CSNK2A1: variants seen among roughly 807,000 people sequenced by gnomAD.
CSNK2A1 encodes casein kinase 2 alpha 1, also known as casein kinase II subunit alpha.
CSNK2A1 carries 10 observed loss-of-function variants against 62.9 expected under a neutral mutation model. That is an observed-to-expected ratio of 0.16 (90% confidence interval 0.10 to 0.27). The LOEUF (loss-of-function observed/expected upper bound fraction) is 0.27, where lower values mean the gene tolerates loss of function less well. Ranked by LOEUF, CSNK2A1 falls within the 10% of genes least tolerant of loss-of-function variation. The probability of loss-of-function intolerance (pLI) is 1.00; values close to 1 mark genes in which losing one functional copy is unlikely to be tolerated. For synonymous variants in CSNK2A1, 124 were observed against 167.8 expected, an observed-to-expected ratio of 0.74 and a Z score of 2.02; for missense variants, 160 against 492.0, an observed-to-expected ratio of 0.33 and a Z score of 6.38.
At chr20:522,187 T>C (rs777877441) in intron 2 of CSNK2A1, among the ~76,000 whole-genome samples, 9 of 152,230 alleles carry the variant, frequency 5.9e-5, no homozygotes, top group Non-Finnish European at 1.2e-4. Context: ...GGAAAGGAAA[T>C]AAGTAAGCAT....
intron 2 of CSNK2A1, among the ~76,000 whole-genome samples, chr20:511,621 C>T (rs1224494340): frequency 6.6e-6 from 1 of 152,114 alleles, no homozygotes; most frequent in Non-Finnish European, 1.5e-5. Context: ...AGCATAATGT[C>T]TTCAAGGCTG....
At chr20:506,904 T>C (rs1228021992) in intron 3 of CSNK2A1, 3 of 152,086 alleles carry the variant, frequency 2.0e-5, no homozygotes, top group African/African-American at 2.4e-5. Context: ...AGCACTCAAT[T>C]TGAAGATAGC....
chr20:478,896 T>C lies in CSNK2A1; in HGVS notation c.*5065A>G, dbSNP rs185930899. On this transcript the variant is annotated 3_prime_UTR_variant, in exon 14 of 14. Transcript: ENST00000217244. ...GAGCTGTGATGGCGCTACTGCACTC[T>C]AGCCTGGGTAACAGAGCAAGACCCG... The C allele has an allele frequency of 2.8e-3, 560 of 200,550 alleles. 1 individual carries two copies. Among genetic ancestry groups the C allele is most frequent in the Middle Eastern group, 6.6e-3 (3 of 452 alleles). The allele number at this position is 200,550 out of a possible 1,614,324, so 12.4% of individuals were successfully genotyped here.
At position 474,183 on chromosome 20, in the gene CSNK2A1, T is replaced by A. The variant is rs887732644; in HGVS notation, c.*9778A>T. On this transcript the variant is annotated 3_prime_UTR_variant, in exon 14 of 14. Transcript: ENST00000217244. Reference sequence around the variant, plus strand: ...GTATCCTCCCACCCAGCCTCCCCAGTAGCTAGCACTATAGTCACACACCAC... The same window carrying A: ...GTATCCTCCCACCCAGCCTCCCCAGAAGCTAGCACTATAGTCACACACCAC... The A allele has an allele frequency of 1.1e-4, 17 of 152,438 alleles. No individual in the cohort carries two copies. Among genetic ancestry groups the A allele is most frequent in the African/African-American group, 3.8e-4 (16 of 41,576 alleles). The allele number at this position is 152,438 out of a possible 1,614,324, so 9.4% of individuals were successfully genotyped here. A position where few individuals can be genotyped will look rare whatever the true frequency, so the allele number is the denominator to read the frequency against.
At position 499,223 on chromosome 20, in the gene CSNK2A1, A is replaced by G; in HGVS notation, c.366+32T>C. ...CAAAGGCTATGTGGTCTAAAAACCC[A>G]CTAGCCCGAAACAGTTGGTTATATA... On this transcript the variant is annotated intron_variant, in intron 6 of 13. Transcript: ENST00000217244. The surrounding 1 kb of genome is among the most constrained non-coding windows in gnomAD (Gnocchi z 4.2). The G allele has an allele frequency of 6.4e-7, 1 of 1,560,028 alleles. No homozygotes were observed. The highest frequency in any genetic ancestry group is 8.7e-7 in the Non-Finnish European group (1 of 1,150,732).
intron 12 of CSNK2A1, chr20:486,735 G>C: frequency 2.6e-6 from 1 of 386,504 alleles, no homozygotes. Flanking sequence ...ATTTAATGAA[G>C]CCCTGGTCCT....
intron 8 of CSNK2A1, among the ~76,000 whole-genome samples, chr20:492,908 A>G (rs1382666553): frequency 6.6e-6 from 1 of 152,228 alleles, no homozygotes; most frequent in African/African-American, 2.4e-5. Flanking sequence ...ATGAAATAAC[A>G]GAAAAGTCAT....
chr20:485,111 T>C (rs201716027), intron 13 of CSNK2A1, among the ~76,000 whole-genome samples: 6 of 27,772 alleles, frequency 2.2e-4, no homozygotes, highest in Admixed American at 6.2e-4. Context: ...AAAAAAAAAA[T>C]ATATATATAT....
chr20:528,876 C>T (rs998224026), intron 1 of CSNK2A1, among the ~76,000 whole-genome samples: 10 of 152,206 alleles, frequency 6.6e-5, no homozygotes, highest in African/African-American at 1.4e-4. Context: ...GGAAAACATT[C>T]GTCTAGATTC....
At position 486,428 on chromosome 20, in the gene CSNK2A1, T is replaced by C; in HGVS notation, c.1008A>G (p.Ser336=). 6.2e-7 allele frequency: 1 copy of C among 1,613,562 alleles called. No homozygotes were observed. Among genetic ancestry groups the C allele is most frequent in the Non-Finnish European group, 8.5e-7 (1 of 1,179,876 alleles). The change falls in exon 13 of 14, where the codon TCA becomes TCG. Residue 336 remains serine, a synonymous_variant. Transcript: ENST00000217244. The part of the protein sequence containing the change: ...TVVKDQARMG[S]SSMPGGSTPV... ...GCGTACTGCCCCCTGGCATGCTAGA[T>C]GAACCCATTCGAGCCTGGTCCTTCA...
chr20:496,705 C>CAT (rs2018353725), intron 7 of CSNK2A1: 1 of 152,206 alleles, frequency 6.6e-6, no homozygotes, highest in South Asian at 2.1e-4. Context: ...CAACAGCAGG[C>CAT]TTTATGTCAA....
rs1450079054 is a variant in CSNK2A1, at chr20:475,259, G to A, written c.*8702C>T. 3 of 152,168 alleles carry A rather than the reference G, an allele frequency of 2.0e-5. No individual in the cohort carries two copies. Among genetic ancestry groups the A allele is most frequent in the Non-Finnish European group, 4.4e-5 (3 of 68,056 alleles). 9.4% of individuals were successfully genotyped at this position (152,168 alleles called of 1,614,324 possible). ...AGATTACTTGATGTCAGGAGTTCCA[G>A]ACCAGCCTGGCCAACATGGTGAAAC... On this transcript the variant is annotated 3_prime_UTR_variant, in exon 14 of 14. Transcript: ENST00000217244.
At chr20:492,119 T>G (rs2018248142) in intron 9 of CSNK2A1, 135 bp downstream of exon 9, 1 of 648,508 alleles carries the variant, frequency 1.5e-6, no homozygotes, top group Non-Finnish European at 2.7e-6. Flanking sequence ...TATTTTACAT[T>G]TCATATAAAA....
At chr20:523,858 C>CAAAAAAA (rs11401840) in intron 2 of CSNK2A1, among the ~76,000 whole-genome samples, 20 of 45,534 alleles carry the variant, frequency 4.4e-4, no homozygotes, top group South Asian at 1.5e-3. Context: ...GACTCCATCT[C>CAAAAAAA]AAAAAAAAAA....
chr20:496,212 C>G (rs2018344061), intron 7 of CSNK2A1: 1 of 168,792 alleles, frequency 5.9e-6, no homozygotes, highest in African/African-American at 2.4e-5. Flanking sequence ...CAGAGGTTGG[C>G]AGACCACAGG....
At chr20:489,695 T>G in intron 10 of CSNK2A1, 85 bp downstream of exon 10, 1 of 1,136,568 alleles carries the variant, frequency 8.8e-7, no homozygotes, top group Non-Finnish European at 1.2e-6. Context: ...GGTGGCTGAA[T>G]AAACAGTGAA....
chr20:489,720 C>T, intron 10 of CSNK2A1, 60 bp downstream of exon 10: 3 of 1,364,300 alleles, frequency 2.2e-6, no homozygotes, highest in Non-Finnish European at 3.0e-6. Context: ...AAGTTACAGG[C>T]AGTGCTGGCT....
At chr20:522,750 G>A (rs1000914334) in intron 2 of CSNK2A1, among the ~76,000 whole-genome samples, 5 of 152,086 alleles carry the variant, frequency 3.3e-5, no homozygotes, top group Non-Finnish European at 7.4e-5. Context: ...AGGCTGGAGT[G>A]CAATGGTGTG....
At chr20:506,819 T>C (rs376047307) in intron 3 of CSNK2A1, 1 of 152,098 alleles carries the variant, frequency 6.6e-6, no homozygotes, top group African/African-American at 2.4e-5. Flanking sequence ...ACAAAACAAA[T>C]GCCAGCAAGC....
Sources: gnomAD v4.1 joint callset for allele counts (sites outside exome capture counted in the v4.1 genomes callset) on GRCh38, gnomAD v4.1.1 for gene constraint, Gnocchi (gnomAD v3.1) non-coding constraint, MANE v1.5 for transcripts, NCBI Gene and HGNC (gene_info 2026-07-23, HGNC 2026-07-21) for gene names.